Variants in TNN observed in about 807,000 individuals in gnomAD.
TNN encodes the protein tenascin N.
Under a neutral mutation model 134.4 loss-of-function variants are expected in TNN, and 122 were observed. The observed-to-expected ratio is 0.91, with a 90% CI of 0.78 to 1.06. TNN has a LOEUF of 1.06. Among genes scored for constraint, TNN ranks in the 50% least tolerant of loss-of-function variants. TNN has a pLI of 0.00. For synonymous variants in TNN, 710 were observed against 670.3 expected, an observed-to-expected ratio of 1.06 and a Z score of -0.91; for missense variants, 1,739 against 1,699.4, an observed-to-expected ratio of 1.02 and a Z score of -0.41.
intron 6 of TNN, among the ~76,000 whole-genome samples, chr1:175,093,651 T>C (rs1174177676): frequency 2.0e-5 from 3 of 152,206 alleles, no homozygotes; most frequent in African/African-American, 7.2e-5. Flanking sequence ...TCTTGAATAC[T>C]TGCTGGTTGG....
intron 6 of TNN, among the ~76,000 whole-genome samples, chr1:175,085,798 C>T (rs1055815236): frequency 7.2e-6 from 1 of 138,254 alleles, no homozygotes; most frequent in Non-Finnish European, 1.5e-5. Context: ...TGCTTGAGCC[C>T]GGGAGGTGGA....
intron 17 of TNN, among the ~76,000 whole-genome samples, chr1:175,141,607 A>G (rs1370710908): frequency 1.3e-5 from 2 of 152,200 alleles, no homozygotes; most frequent in Non-Finnish European, 2.9e-5. Context: ...GACACACACT[A>G]CTGTGTCTGT....
intron 15 of TNN, among the ~76,000 whole-genome samples, chr1:175,129,261 T>A (rs1675616774): frequency 6.6e-6 from 1 of 152,200 alleles, no homozygotes; most frequent in African/African-American, 2.4e-5. Flanking sequence ...TCTCAAGATA[T>A]CAGGACATTC....
At chr1:175,137,097 G>C in intron 17 of TNN, 109 bp downstream of exon 17, 2 of 1,204,772 alleles carry the variant, frequency 1.7e-6, no homozygotes, top group Non-Finnish European at 2.3e-6. Context: ...CTGTGGAGGT[G>C]AATTGTTCTC....
chr1:175,070,591 A>G (rs1574135585), intron 1 of TNN, among the ~76,000 whole-genome samples: 1 of 152,300 alleles, frequency 6.6e-6, no homozygotes, highest in Non-Finnish European at 1.5e-5. Flanking sequence ...ATAAAACCAA[A>G]TTTCCATTCT....
chr1:175,102,832 G>T (rs1053578704), intron 9 of TNN, among the ~76,000 whole-genome samples: 1 of 146,256 alleles, frequency 6.8e-6, no homozygotes, highest in African/African-American at 2.5e-5. Context: ...GCAAGTGAGG[G>T]CTCTGAGGAC....
At chr1:175,106,315 C>G (rs1674852573) in intron 9 of TNN, among the ~76,000 whole-genome samples, 1 of 145,698 alleles carries the variant, frequency 6.9e-6, no homozygotes, top group Non-Finnish European at 1.5e-5. Context: ...TTTGTTCTCA[C>G]TTATATGAAT....
At chr1:175,080,063 C>T (rs1369151988) in intron 3 of TNN, 100 bp from the exon 4 acceptor site, 2 of 1,506,524 alleles carry the variant, frequency 1.3e-6, no homozygotes, top group Non-Finnish European at 1.8e-6. Flanking sequence ...CACAGGTCTG[C>T]ATCCTGCACA....
chr1:175,134,822 T>C (rs1439934280), intron 15 of TNN, among the ~76,000 whole-genome samples: 1 of 150,178 alleles, frequency 6.7e-6, no homozygotes, highest in African/African-American at 2.5e-5. Context: ...AGTGGTCTCC[T>C]AATTGGTCAT....
rs372177992 is a variant in TNN at position 175,097,519 on chromosome 1, G to A, written c.1691G>A (p.Arg564His). ...VQATIDKYVVRYTSADDQETR... is the reference protein window; with the variant it reads ...VQATIDKYVVHYTSADDQETR... The stretch of plus-strand genomic sequence containing the variant: ...GCCACCATTGACAAGTACGTGGTGC[G>A]CTACACCTCTGCTGACGACCAAGAG... The change falls in exon 8 of 19, where the codon CGC (arginine) becomes CAC (histidine). Residue 564 changes from arginine to histidine, a missense_variant. By Grantham distance (29) the Arg-to-His change is conservative (BLOSUM62 0). Transcript: ENST00000239462. 177 of 1,614,184 alleles carry A rather than the reference G, an allele frequency of 1.1e-4. 1 individual carries two copies. The South Asian group carries it at 1.8e-3, about 16-fold the overall frequency.
intron 9 of TNN, among the ~76,000 whole-genome samples, chr1:175,101,582 CA>C (rs1674725174): frequency 6.7e-6 from 1 of 149,934 alleles, no homozygotes; most frequent in African/African-American, 2.4e-5. Flanking sequence ...CCTGTTTTGT[CA>C]GGGCGCTGAT....
intron 17 of TNN, among the ~76,000 whole-genome samples, chr1:175,138,916 A>G (rs1009608585): frequency 6.6e-6 from 1 of 152,214 alleles, no homozygotes; most frequent in Non-Finnish European, 1.5e-5. Flanking sequence ...GTTACTAAAT[A>G]TTGTAGGCAA....
intron 4 of TNN, among the ~76,000 whole-genome samples, chr1:175,083,003 A>G (rs1211704487): frequency 6.6e-6 from 1 of 150,500 alleles, no homozygotes; most frequent in Non-Finnish European, 1.5e-5. Flanking sequence ...TTTTCTGAGT[A>G]GAAGAGTAAA....
intron 6 of TNN, among the ~76,000 whole-genome samples, chr1:175,092,492 A>G (rs368131714): frequency 3.9e-4 from 60 of 152,306 alleles, no homozygotes; most frequent in East Asian, 3.9e-3. Flanking sequence ...GTTACTGTCT[A>G]TTACTGCTGC....
chr1:175,138,509 G>A (rs1036792410), intron 17 of TNN, among the ~76,000 whole-genome samples: 1 of 152,126 alleles, frequency 6.6e-6, no homozygotes, highest in Non-Finnish European at 1.5e-5. Context: ...AGAGTATGAG[G>A]CATTTGGGCT....
At chr1:175,104,002 G>A (rs1196837278) in intron 9 of TNN, among the ~76,000 whole-genome samples, 1 of 145,478 alleles carries the variant, frequency 6.9e-6, no homozygotes, top group African/African-American at 2.5e-5. Flanking sequence ...TGGGTAACTT[G>A]TTCCCCATAT....
At chr1:175,127,453 C>T (rs1010252536) in intron 13 of TNN, among the ~76,000 whole-genome samples, 8 of 152,168 alleles carry the variant, frequency 5.3e-5, no homozygotes, top group Non-Finnish European at 1.0e-4. Flanking sequence ...AATTATTATT[C>T]TCCCTCCTTG....
At chr1:175,116,064 G>A (rs1389290798) in intron 9 of TNN, among the ~76,000 whole-genome samples, 3 of 151,764 alleles carry the variant, frequency 2.0e-5, no homozygotes, top group Admixed American at 1.3e-4. Context: ...TTTAAATGTC[G>A]TTGTTTATTC....
At position 175,079,540 on chromosome 1, in the gene TNN, G is replaced by T; in HGVS notation, c.617G>T (p.Cys206Phe). ...GGCTACCCGGCCTGCCCTGAGAACT[G>T]CAGCGGACACGGCGAGTGCGTGCGC... is the stretch of plus-strand genomic sequence containing the variant. ...DCGYPACPEN[C>F]SGHGECVRGV... The change falls in exon 3 of 19, where the codon TGC becomes TTC. Residue 206 changes from cysteine (C) to phenylalanine (F), a missense_variant. Cys to Phe is a radical substitution (Grantham distance 205). Coordinates refer to ENST00000239462, the MANE Select transcript of TNN (RefSeq NM_022093.2). 2 of 1,568,710 alleles carry T rather than the reference G, an allele frequency of 1.3e-6. No homozygotes were observed. Among genetic ancestry groups the T allele is most frequent in the African/African-American group, 1.4e-5 (1 of 73,922 alleles).
Sources: allele counts gnomAD v4.1 joint callset (sites outside exome capture counted in the v4.1 genomes callset), GRCh38; gene constraint gnomAD v4.1.1; transcripts MANE v1.5; gene names NCBI Gene and HGNC (gene_info 2026-07-23, HGNC 2026-07-21).